Variants in MLLT10 observed in about 807,000 individuals in gnomAD.
MLLT10 encodes the protein MLLT10 histone lysine methyltransferase DOT1L cofactor, also known as protein AF-10.
A neutral mutation model predicts 129.1 loss-of-function variants in MLLT10; 30 were observed. The observed-to-expected ratio is 0.23, with a 90% confidence interval of 0.17 to 0.32. The LOEUF is 0.32. Among genes scored for constraint, MLLT10 ranks in the 10% least tolerant of loss-of-function variants. The probability of loss-of-function intolerance (pLI) is 1.00; values close to 1 mark genes in which losing one functional copy is unlikely to be tolerated. For synonymous variants in MLLT10, 490 were observed against 446.4 expected, an observed-to-expected ratio of 1.10 and a Z score of -1.23; for missense variants, 1,119 against 1,268.3, an observed-to-expected ratio of 0.88 and a Z score of 1.79.
intron 12 of MLLT10, 126 bp downstream of exon 12, chr10:21,681,502 C>CAG: frequency 1.6e-6 from 1 of 633,376 alleles, no homozygotes; most frequent in Non-Finnish European, 2.7e-6. Context: ...CTTAATTGAA[C>CAG]AGATACTTTT....
intron 3 of MLLT10, among the ~76,000 whole-genome samples, chr10:21,542,442 C>T (rs1305220235): frequency 7.9e-5 from 12 of 152,066 alleles, no homozygotes; most frequent in Non-Finnish European, 1.8e-4. Flanking sequence ...TGGTAGTGAG[C>T]GCCTGTAATC....
chr10:21,556,755 C>T (rs2038062170), intron 3 of MLLT10: 1 of 1,608,530 alleles, frequency 6.2e-7, no homozygotes, highest in Non-Finnish European at 8.5e-7. Context: ...TCTAACGTTC[C>T]TCCAGTTTCT....
chr10:21,657,268 C>A (rs1464117007), intron 9 of MLLT10, among the ~76,000 whole-genome samples: 1 of 151,868 alleles, frequency 6.6e-6, no homozygotes, highest in Non-Finnish European at 1.5e-5. Flanking sequence ...TGGCATGTGC[C>A]TATAATCCCA....
intron 5 of MLLT10, among the ~76,000 whole-genome samples, chr10:21,607,527 T>G (rs922727630): frequency 2.6e-5 from 4 of 151,902 alleles, no homozygotes; most frequent in African/African-American, 9.7e-5. Flanking sequence ...TCCATGTTAG[T>G]CAGGCTGGTC....
intron 8 of MLLT10, among the ~76,000 whole-genome samples, chr10:21,639,051 T>C (rs1258297268): frequency 6.6e-6 from 1 of 152,226 alleles, no homozygotes; most frequent in Non-Finnish European, 1.5e-5. Flanking sequence ...TCCCATTAAT[T>C]GGCCTGTGAG....
chr10:21,677,604 A>G (rs1440094042), intron 11 of MLLT10, among the ~76,000 whole-genome samples: 6 of 152,216 alleles, frequency 3.9e-5, no homozygotes, highest in African/African-American at 1.4e-4. Flanking sequence ...TTAGGGAATC[A>G]TGACAGGAAA....
chr10:21,638,203 T>C (rs969086587), intron 8 of MLLT10, among the ~76,000 whole-genome samples: 2 of 142,422 alleles, frequency 1.4e-5, no homozygotes, highest in African/African-American at 2.6e-5. Context: ...AGATAGTAAA[T>C]ATTTTGGGCT....
chr10:21,652,773 C>G (rs1050619247), intron 9 of MLLT10, among the ~76,000 whole-genome samples: 1 of 152,156 alleles, frequency 6.6e-6, no homozygotes, highest in Non-Finnish European at 1.5e-5. Context: ...TTGTTTTGGA[C>G]AGGCTGTGGA....
chr10:21,730,772 A>G, intron 16 of MLLT10, 128 bp from the exon 17 acceptor site: 1 of 849,876 alleles, frequency 1.2e-6, no homozygotes, highest in Non-Finnish European at 1.9e-6. Context: ...CAGGAACCTG[A>G]TACTTCTGGC....
intron 3 of MLLT10, among the ~76,000 whole-genome samples, chr10:21,555,999 G>C (rs555390333): frequency 6.8e-6 from 1 of 146,116 alleles, no homozygotes; most frequent in African/African-American, 2.5e-5. Flanking sequence ...TTTTGGACAC[G>C]GAGTCTCGCT....
At chr10:21,637,810 G>A (rs1466830662) in intron 8 of MLLT10, among the ~76,000 whole-genome samples, 2 of 152,234 alleles carry the variant, frequency 1.3e-5, no homozygotes, top group Admixed American at 6.5e-5. Context: ...CCATCAGTGT[G>A]TAGTGGATTT....
At chr10:21,651,797 A>G in intron 9 of MLLT10, 29 bp downstream of exon 9, 1 of 1,470,622 alleles carries the variant, frequency 6.8e-7, no homozygotes, top group Non-Finnish European at 9.4e-7. Flanking sequence ...ATTTTGTTTT[A>G]TGTAATAAGT....
At chr10:21,717,703 CCTCCTCCTCCTCT>C (rs2056781789) in intron 14 of MLLT10, among the ~76,000 whole-genome samples, 3 of 96,324 alleles carry the variant, frequency 3.1e-5, no homozygotes, top group Non-Finnish European at 4.0e-5. Flanking sequence ...TCCTCCTCTT[CCTCCTCCTCCTCT>C]TCCTCCTCCT....
At chr10:21,600,745 TCTTTTTGATACATCAG>T in intron 5 of MLLT10, among the ~76,000 whole-genome samples, 1 of 152,310 alleles carries the variant, frequency 6.6e-6, no homozygotes, top group African/African-American at 2.4e-5. Context: ...ATTCTTTTGC[TCTTTTTGATACATCAG>T]CTGATTCTCA....
chr10:21,655,352 G>A (rs1238643788), intron 9 of MLLT10, among the ~76,000 whole-genome samples: 2 of 152,134 alleles, frequency 1.3e-5, no homozygotes, highest in Non-Finnish European at 2.9e-5. Context: ...GGTTTTGTAG[G>A]CCATACTGGC....
At chr10:21,668,159 A>G (rs1373011504) in intron 9 of MLLT10, among the ~76,000 whole-genome samples, 1 of 152,132 alleles carries the variant, frequency 6.6e-6, no homozygotes, top group Non-Finnish European at 1.5e-5. Context: ...AATAAGTATT[A>G]TTATATACAA....
chr10:21,647,016 C>T lies in MLLT10; in HGVS notation c.700-4657C>T, dbSNP rs371774351. Among the ~76,000 whole-genome samples, 10 of 152,170 alleles carry T rather than the reference C, an allele frequency of 6.6e-5. No homozygotes were observed. In the East Asian group the frequency reaches 9.7e-4, roughly 15 times the overall value. ...GACTACAGGCGCCCGCCACCACGCCCGACTAATCTTTTGTATTTTTAGTAG... is the reference window on the plus strand; with the variant it reads ...GACTACAGGCGCCCGCCACCACGCCTGACTAATCTTTTGTATTTTTAGTAG... On this transcript the variant is annotated intron_variant, in intron 8 of 22. Coordinates refer to ENST00000307729, the MANE Select transcript of MLLT10 (RefSeq NM_001195626.3).
intron 8 of MLLT10, among the ~76,000 whole-genome samples, chr10:21,621,320 C>T (rs1357180744): frequency 2.7e-5 from 4 of 148,370 alleles, no homozygotes; most frequent in Admixed American, 6.8e-5. Flanking sequence ...TCTGGGCTTA[C>T]TGCAAGCTCC....
intron 3 of MLLT10, among the ~76,000 whole-genome samples, chr10:21,547,844 AATC>A (rs1405623318): frequency 1.3e-5 from 2 of 152,078 alleles, no homozygotes; most frequent in African/African-American, 4.8e-5. Context: ...TCTTATTTTG[AATC>A]TTCTAAATAA....
Sources: gnomAD v4.1 joint callset for allele counts (sites outside exome capture counted in the v4.1 genomes callset) on GRCh38, gnomAD v4.1.1 for gene constraint, MANE v1.5 for transcripts, NCBI Gene and HGNC (gene_info 2026-07-23, HGNC 2026-07-21) for gene names.